The following ROBO2 variants were observed in gnomAD, a reference collection of about 807,000 sequenced individuals.
ROBO2 encodes the protein roundabout homolog 2.
Under a neutral mutation model 160.8 loss-of-function variants are expected in ROBO2, and 53 were observed. The ratio of observed to expected loss-of-function variants is 0.33; its 90% CI spans 0.26 to 0.41. The LOEUF is 0.41. Among genes scored for constraint, ROBO2 ranks in the 10% least tolerant of loss-of-function variants. The pLI, the probability that ROBO2 is intolerant of heterozygous loss-of-function variation, is 1.00. For missense variants in ROBO2, 1,577 were observed against 1,722.4 expected (o/e 0.92, Z 1.49); for synonymous variants, 664 against 611.7 (o/e 1.09, Z -1.26).
intron 2 of ROBO2, among the ~76,000 whole-genome samples, chr3:77,241,972 A>G (rs2089111594): frequency 6.6e-6 from 1 of 152,208 alleles, no homozygotes. Context: ...GACATTTACT[A>G]GGCCCAAATT....
At position 77,180,410 on chromosome 3, in the gene ROBO2, C is replaced by A. The variant is rs868217945; in HGVS notation, c.388+82070C>A. 2.8e-3 allele frequency among the ~76,000 whole-genome samples: 270 copies of A among 97,956 alleles called. 1 individual carries two copies. The highest frequency in any genetic ancestry group is 7.7e-3 in the African/African-American group (217 of 28,328). 64.3% of individuals were successfully genotyped at this position (97,956 alleles called of 152,430 possible). On this transcript the variant is annotated intron_variant, in intron 2 of 25. Transcript: ENST00000461745. ...GAATTCTCTCTCTCTCTCTCTCTCT[C>A]TCTCTCTATATATATATATATGTAT... is the stretch of plus-strand genomic sequence containing the variant.
rs35802711 is a variant in ROBO2, at chr3:77,102,849, CAA to C, written c.388+4526_388+4527del. Among the ~76,000 whole-genome samples the C allele has an allele frequency of 6.5e-3, 696 of 107,526 alleles. 2 individuals carry two copies. Among genetic ancestry groups the C allele is most frequent in the African/African-American group, 0.018 (482 of 26,472 alleles). 70.5% of individuals were successfully genotyped at this position (107,526 alleles called of 152,430 possible). A position where few individuals can be genotyped will look rare whatever the true frequency, so the allele number is the denominator to read the frequency against. On this transcript the variant is annotated intron_variant, in intron 2 of 25. Coordinates refer to ENST00000461745, the Ensembl canonical transcript of ROBO2. ...TTGCTTTTATTTTTTTCTTAGTTTG[CAA>C]AAAAAAAAAAAAAAAATAGCTATCC...
At chr3:77,362,450 G>A (rs1470388015) in intron 2 of ROBO2, among the ~76,000 whole-genome samples, 1 of 152,128 alleles carries the variant, frequency 6.6e-6, no homozygotes, top group East Asian at 1.9e-4. Context: ...TCTGGGGGAT[G>A]GTGGAGGATG....
intron 2 of ROBO2, among the ~76,000 whole-genome samples, chr3:77,279,250 G>A (rs2060090550): frequency 6.6e-6 from 1 of 151,920 alleles, no homozygotes; most frequent in South Asian, 2.1e-4. Flanking sequence ...AATTGCCCAT[G>A]ACCATAAATT....
At chr3:77,512,803 C>A (rs2089558669) in intron 5 of ROBO2, among the ~76,000 whole-genome samples, 1 of 151,862 alleles carries the variant, frequency 6.6e-6, no homozygotes, top group Non-Finnish European at 1.5e-5. Flanking sequence ...TGAAAACAAA[C>A]CTTTCAAGTC....
intron 2 of ROBO2, among the ~76,000 whole-genome samples, chr3:77,272,379 C>A (rs2059549939): frequency 6.6e-6 from 1 of 152,018 alleles, no homozygotes; most frequent in South Asian, 2.1e-4. Context: ...GGGAAGCAGA[C>A]ATGTCTTACA....
intron 21 of ROBO2, 48 bp downstream of exon 22, chr3:77,608,002 T>A: frequency 6.3e-7 from 1 of 1,591,598 alleles, no homozygotes; most frequent in East Asian, 2.2e-5. Context: ...TCTCCTCTCC[T>A]CTCTGTTGTT....
chr3:77,389,215 A>T (rs1581571690), intron 2 of ROBO2, among the ~76,000 whole-genome samples: 1 of 152,294 alleles, frequency 6.6e-6, no homozygotes, highest in East Asian at 1.9e-4. Context: ...AAGTGCTGGG[A>T]TTACACGTGT....
intron 2 of ROBO2, among the ~76,000 whole-genome samples, chr3:77,381,400 C>T (rs1391399523): frequency 6.6e-6 from 1 of 152,096 alleles, no homozygotes; most frequent in Non-Finnish European, 1.5e-5. Context: ...ACCTAGGATG[C>T]CGTATTAGTC....
At chr3:75,975,628 A>G (rs1169053908) in intron 2 of ROBO2, among the ~76,000 whole-genome samples, 2 of 151,482 alleles carry the variant, frequency 1.3e-5, no homozygotes, top group East Asian at 3.9e-4. Flanking sequence ...ATCAACAATT[A>G]TGACATTTAA....
intron 2 of ROBO2, among the ~76,000 whole-genome samples, chr3:76,147,112 TAAAAG>T (rs1276328789): frequency 6.6e-5 from 10 of 150,494 alleles, no homozygotes; most frequent in Admixed American, 2.0e-4. Flanking sequence ...ACCCCAAACT[TAAAAG>T]AAAAGTTAAA....
chr3:75,962,402 C>T lies in ROBO2; in HGVS notation c.109+24800C>T, dbSNP rs183085114. Among the ~76,000 whole-genome samples, 177 of 151,766 alleles carry T rather than the reference C, an allele frequency of 1.2e-3. 1 individual carries two copies. The highest frequency in any genetic ancestry group is 4.0e-3 in the African/African-American group (166 of 41,474). ...ACATAGTCAATGGAAAGAATATGACCAATAATGTGTTCTAGGTCTGGCTTG... is the reference window on the plus strand; with the variant it reads ...ACATAGTCAATGGAAAGAATATGACTAATAATGTGTTCTAGGTCTGGCTTG... On this transcript the variant is annotated intron_variant, in intron 2 of 26. Transcript: ENST00000487694.
intron 2 of ROBO2, among the ~76,000 whole-genome samples, chr3:76,835,690 C>T (rs1015038967): frequency 1.3e-5 from 2 of 151,826 alleles, no homozygotes. Flanking sequence ...CAGGGTTTTT[C>T]ACATTATCAG....
At chr3:77,199,044 G>C (rs2082577062) in intron 2 of ROBO2, among the ~76,000 whole-genome samples, 1 of 152,190 alleles carries the variant, frequency 6.6e-6, no homozygotes, top group African/African-American at 2.4e-5. Context: ...TGTGTAAACA[G>C]ATAAATAAAA....
intron 2 of ROBO2, among the ~76,000 whole-genome samples, chr3:76,457,484 T>G (rs1486979095): frequency 2.6e-5 from 4 of 152,114 alleles, no homozygotes; most frequent in African/African-American, 9.7e-5. Context: ...GCAGCCTCCC[T>G]CCCTGCTGCT....
intron 2 of ROBO2, among the ~76,000 whole-genome samples, chr3:76,392,074 AT>A (rs1160222159): frequency 1.3e-5 from 2 of 152,158 alleles, no homozygotes; most frequent in Admixed American, 6.5e-5. Context: ...AACATTATTA[AT>A]TATTTTCTAC....
At chr3:77,641,964 T>C (rs1023265141) in intron 24 of ROBO2, among the ~76,000 whole-genome samples, 2 of 152,180 alleles carry the variant, frequency 1.3e-5, no homozygotes, top group East Asian at 3.9e-4. Context: ...CTGTGAGGCA[T>C]TGTCTTCTCT....
chr3:77,167,644 T>A (rs1052423716), intron 2 of ROBO2, among the ~76,000 whole-genome samples: 2 of 152,202 alleles, frequency 1.3e-5, no homozygotes, highest in African/African-American at 4.8e-5. Flanking sequence ...CTGCATGATA[T>A]TTAGGCCTTA....
At chr3:76,158,598 G>A (rs1300011878) in intron 2 of ROBO2, among the ~76,000 whole-genome samples, 1 of 152,108 alleles carries the variant, frequency 6.6e-6, no homozygotes, top group Admixed American at 6.6e-5. Flanking sequence ...AATGGGGTGG[G>A]GTTGGGGGAG....
Sources: gnomAD v4.1 joint callset for allele counts (sites outside exome capture counted in the v4.1 genomes callset) on GRCh38, gnomAD v4.1.1 for gene constraint, MANE v1.5 for transcripts, NCBI Gene and HGNC (gene_info 2026-07-23, HGNC 2026-07-21) for gene names.